WASL: variants seen among roughly 807,000 people sequenced by gnomAD.
WASL encodes actin nucleation-promoting factor WASL.
A neutral mutation model predicts 55.5 loss-of-function variants in WASL; 20 were observed. The ratio of observed to expected loss-of-function variants is 0.36; its 90% confidence interval spans 0.25 to 0.52. The LOEUF (loss-of-function observed/expected upper bound fraction) is 0.52, where lower values mean the gene tolerates loss of function less well. WASL is among the 20% of genes least tolerant of loss of function. The pLI is 0.92. For missense variants in WASL, 504 were observed against 622.5 expected, an observed-to-expected ratio of 0.81 and a Z score of 2.03; for synonymous variants, 249 against 217.6, an observed-to-expected ratio of 1.14 and a Z score of -1.27.
chr7:123,729,709 T>C (rs1804107838), intron 1 of WASL, among the ~76,000 whole-genome samples: 1 of 152,156 alleles, frequency 6.6e-6, no homozygotes, highest in African/African-American at 2.4e-5. Context: ...ATTTCCAGAT[T>C]TTCTAACAGT....
chr7:123,717,102 T>G (rs926655566), intron 1 of WASL, among the ~76,000 whole-genome samples: 3 of 152,094 alleles, frequency 2.0e-5, no homozygotes, highest in Non-Finnish European at 4.4e-5. Flanking sequence ...TTTGGTTTGT[T>G]TTTTACCTTA....
At chr7:123,695,285 GT>G (rs1271438594) in intron 7 of WASL, among the ~76,000 whole-genome samples, 1 of 151,894 alleles carries the variant, frequency 6.6e-6, no homozygotes, top group Non-Finnish European at 1.5e-5. Context: ...CAGTATGTTT[GT>G]TGAGTTAACA....
At chr7:123,698,613 G>A (rs1236501605) in intron 5 of WASL, among the ~76,000 whole-genome samples, 1 of 152,064 alleles carries the variant, frequency 6.6e-6, no homozygotes, top group East Asian at 1.9e-4. Flanking sequence ...TCCATAGGAA[G>A]TTGTTGATAT....
intron 1 of WASL, among the ~76,000 whole-genome samples, chr7:123,723,118 A>C (rs1356482900): frequency 1.3e-5 from 2 of 152,220 alleles, no homozygotes; most frequent in African/African-American, 4.8e-5. Flanking sequence ...TTATAGGGTT[A>C]ATACACATAA....
chr7:123,721,086 A>G (rs1334049260), intron 1 of WASL, among the ~76,000 whole-genome samples: 1 of 152,246 alleles, frequency 6.6e-6, no homozygotes, highest in African/African-American at 2.4e-5. Context: ...TGGCTACTAT[A>G]GGGAGATAGC....
chr7:123,733,277 T>C (rs1192599912), intron 1 of WASL, among the ~76,000 whole-genome samples: 2 of 152,128 alleles, frequency 1.3e-5, no homozygotes, highest in African/African-American at 4.8e-5. Flanking sequence ...AAACAAAAAA[T>C]TTCTGGAAAC....
chr7:123,731,110 G>A (rs1218107577), intron 1 of WASL, among the ~76,000 whole-genome samples: 1 of 152,236 alleles, frequency 6.6e-6, no homozygotes, highest in South Asian at 2.1e-4. Flanking sequence ...GAAAGCTGGA[G>A]CAGCTATATT....
rs1217153377 is a variant in WASL at position 123,682,979 on chromosome 7, T to C, written c.*1540A>G. The C allele has an allele frequency of 6.6e-6, 1 of 151,636 alleles. No homozygotes were observed. Among genetic ancestry groups the C allele is most frequent in the Non-Finnish European group, 1.5e-5 (1 of 67,936 alleles). The allele number at this position is 151,636 out of a possible 1,614,324, so 9.4% of individuals were successfully genotyped here. ...ACAAAACCTTTTAAATTATTTCTTA[T>C]GATAACTAGATGCATGATCACTAGA... On this transcript the variant is annotated 3_prime_UTR_variant, in exon 11 of 11. Coordinates refer to ENST00000223023, the MANE Select transcript of WASL (RefSeq NM_003941.4).
intron 5 of WASL, 114 bp downstream of exon 5, chr7:123,704,520 A>G: frequency 1.2e-6 from 1 of 808,670 alleles, no homozygotes; most frequent in East Asian, 3.1e-5. Context: ...ACATGTTTCC[A>G]CAAGGATTAA....
intron 1 of WASL, among the ~76,000 whole-genome samples, chr7:123,745,235 C>T (rs1191056188): frequency 6.6e-6 from 1 of 152,052 alleles, no homozygotes; most frequent in Non-Finnish European, 1.5e-5. Context: ...AATTCAGGCC[C>T]TCATCATATT....
rs143977701 is a variant in WASL, at chr7:123,690,212, A to C, written c.1348-1062T>G. 1.1e-4 allele frequency among the ~76,000 whole-genome samples: 16 copies of C among 152,338 alleles called. No homozygotes were observed. The East Asian group carries it at 3.1e-3, about 29-fold the overall frequency. On this transcript the variant is annotated intron_variant, in intron 9 of 10. Transcript: ENST00000223023. The stretch of plus-strand genomic sequence containing the variant: ...TGTGATAATGTAAAGCAGAGAGCAC[A>C]AAGCAGAAGTGAGCATACTCTCATC...
At position 123,692,723 on chromosome 7, in the gene WASL, G is replaced by A; in HGVS notation, c.971C>T (p.Pro324Leu). The change falls in exon 9 of 11, where the codon CCA (proline) becomes CTA (leucine). Residue 324 changes from proline to leucine, a missense_variant. Coordinates refer to ENST00000223023, the MANE Select transcript of WASL (RefSeq NM_003941.4). ...PSRAPTAAPP[P>L]PPPSRPSVAV... ...TACACTTGGCCTGGAAGGAGGCGGT[G>A]GTGGAGGTGCAGCTGTGGGAGCTCT... 1 of 1,516,938 alleles carries A rather than the reference G, an allele frequency of 6.6e-7. No individual in the cohort carries two copies. Among genetic ancestry groups the A allele is most frequent in the Non-Finnish European group, 8.8e-7 (1 of 1,135,120 alleles). 94.0% of individuals were successfully genotyped at this position (1,516,938 alleles called of 1,614,324 possible). A position where few individuals can be genotyped will look rare whatever the true frequency, so the allele number is the denominator to read the frequency against.
chr7:123,712,126 A>T (rs1207780752), intron 1 of WASL, among the ~76,000 whole-genome samples: 2 of 152,024 alleles, frequency 1.3e-5, no homozygotes, highest in East Asian at 3.9e-4. Context: ...CTTAGGTTGA[A>T]ATGACTTTTA....
chr7:123,697,909 T>C (rs1178714521), intron 5 of WASL, among the ~76,000 whole-genome samples: 4 of 152,238 alleles, frequency 2.6e-5, no homozygotes, highest in Non-Finnish European at 4.4e-5. Context: ...GGTAGACCTA[T>C]GTAACTAGCC....
At chr7:123,695,149 T>C (rs1803471165) in intron 7 of WASL, among the ~76,000 whole-genome samples, 1 of 152,108 alleles carries the variant, frequency 6.6e-6, no homozygotes, top group Admixed American at 6.5e-5. Context: ...TTATTCTACC[T>C]TGTCCTAAGT....
In WASL at chr7:123,720,334, C is replaced by A. The variant is rs145728198; in HGVS notation, c.118-11111G>T. Reference sequence around the variant, plus strand: ...CAGTTCAGCTATACAAATAGGATACCATACAGCTGCAAAAAAAAAAAAAAA... The same window carrying A: ...CAGTTCAGCTATACAAATAGGATACAATACAGCTGCAAAAAAAAAAAAAAA... On this transcript the variant is annotated intron_variant, in intron 1 of 10. Coordinates refer to ENST00000223023, the MANE Select transcript of WASL (RefSeq NM_003941.4). The A allele has an allele frequency of 3.2e-4, 127 of 402,254 alleles. No individual in the cohort carries two copies. The East Asian group carries it at 8.4e-3, about 26-fold the overall frequency. The allele number at this position is 402,254 out of a possible 1,614,324, so 24.9% of individuals were successfully genotyped here. A position where few individuals can be genotyped will look rare whatever the true frequency, so the allele number is the denominator to read the frequency against.
At chr7:123,706,523 T>C in intron 3 of WASL, 150 bp from the exon 4 acceptor site, 1 of 879,190 alleles carries the variant, frequency 1.1e-6, no homozygotes. Context: ...CTGAATAACT[T>C]AACACAAAAG....
chr7:123,691,359 G>A (rs2116768312), intron 9 of WASL, among the ~76,000 whole-genome samples: 1 of 152,086 alleles, frequency 6.6e-6, no homozygotes, highest in South Asian at 2.1e-4. Flanking sequence ...GCAAACTTGA[G>A]CCCATGGGCC....
intron 1 of WASL, among the ~76,000 whole-genome samples, chr7:123,719,784 A>C (rs1803906983): frequency 6.6e-6 from 1 of 152,182 alleles, no homozygotes; most frequent in Non-Finnish European, 1.5e-5. Context: ...ACTGTCTCTA[A>C]GAAATCTGCC....
Sources: allele counts gnomAD v4.1 joint callset (sites outside exome capture counted in the v4.1 genomes callset), GRCh38; gene constraint gnomAD v4.1.1; transcripts MANE v1.5; gene names NCBI Gene and HGNC (gene_info 2026-07-23, HGNC 2026-07-21).